GLCCI1: variants seen among roughly 807,000 people sequenced by gnomAD.
The protein encoded by GLCCI1 is glucocorticoid-induced transcript 1 protein.
In GLCCI1, 24 loss-of-function variants were observed where a neutral mutation model predicts 52.2. That is an observed-to-expected ratio of 0.46 (90% CI 0.33 to 0.65). GLCCI1 has a LOEUF of 0.65. GLCCI1 is among the 30% of genes least tolerant of loss of function. The pLI is 0.02. For synonymous variants in GLCCI1, 310 were observed against 276.5 expected (o/e 1.12, Z -1.20); for missense variants, 704 against 701.5 (o/e 1.00, Z -0.04).
chr7:8,035,809 T>G (rs1166907312), intron 3 of GLCCI1, among the ~76,000 whole-genome samples: 1 of 152,172 alleles, frequency 6.6e-6, no homozygotes, highest in African/African-American at 2.4e-5. Flanking sequence ...TGCCTAGGTA[T>G]GGAGCTGAGG....
chr7:8,049,405 T>C (rs953405438), intron 3 of GLCCI1, among the ~76,000 whole-genome samples: 1 of 152,212 alleles, frequency 6.6e-6, no homozygotes, highest in Non-Finnish European at 1.5e-5. Context: ...TATTTTATAT[T>C]ATCTCTTTGA....
chr7:8,070,822 G>A, intron 5 of GLCCI1, 99 bp from the exon 6 acceptor site: 1 of 1,032,702 alleles, frequency 9.7e-7, no homozygotes, highest in Non-Finnish European at 1.5e-6. Context: ...AACTGGGTCA[G>A]TAGTGGTGGA....
chr7:7,994,921 G>T (rs1192064482), intron 1 of GLCCI1, among the ~76,000 whole-genome samples: 3 of 152,092 alleles, frequency 2.0e-5, no homozygotes, highest in African/African-American at 7.2e-5. Flanking sequence ...CCAGGTAATG[G>T]TTTCACTTAA....
intron 3 of GLCCI1, among the ~76,000 whole-genome samples, chr7:8,034,189 T>C (rs1018722921): frequency 6.6e-6 from 1 of 152,160 alleles, no homozygotes; most frequent in Non-Finnish European, 1.5e-5. Flanking sequence ...GCTATAATAA[T>C]TGAATATTTG....
At chr7:7,998,720 C>T (rs2115422674) in intron 1 of GLCCI1, among the ~76,000 whole-genome samples, 1 of 152,184 alleles carries the variant, frequency 6.6e-6, no homozygotes, top group African/African-American at 2.4e-5. Flanking sequence ...TTATTAATAG[C>T]TACTGACCTT....
chr7:8,006,904 A>G (rs767465911), intron 2 of GLCCI1, among the ~76,000 whole-genome samples: 1 of 152,162 alleles, frequency 6.6e-6, no homozygotes, highest in Non-Finnish European at 1.5e-5. Flanking sequence ...TCTCACATTC[A>G]AGTGCCATCC....
At chr7:8,052,436 A>T (rs950480889) in intron 3 of GLCCI1, among the ~76,000 whole-genome samples, 2 of 152,168 alleles carry the variant, frequency 1.3e-5, no homozygotes, top group Admixed American at 6.5e-5. Context: ...TGAGTTGGTT[A>T]TGGCTTAAAA....
chr7:8,014,491 G>A (rs1054035696), intron 2 of GLCCI1, among the ~76,000 whole-genome samples: 1 of 152,124 alleles, frequency 6.6e-6, no homozygotes, highest in African/African-American at 2.4e-5. Flanking sequence ...GAATATGTTT[G>A]TTAATTCTAT....
chr7:8,016,667 T>C (rs1426386794), intron 2 of GLCCI1, among the ~76,000 whole-genome samples: 1 of 152,200 alleles, frequency 6.6e-6, no homozygotes, highest in Non-Finnish European at 1.5e-5. Flanking sequence ...TTTTCCATGC[T>C]ATTGGAATTC....
chr7:8,014,522 T>C (rs529458440), intron 2 of GLCCI1, among the ~76,000 whole-genome samples: 1 of 152,236 alleles, frequency 6.6e-6, no homozygotes, highest in African/African-American at 2.4e-5. Context: ...TATTCAGCAA[T>C]GAGTTCTTAA....
chr7:8,082,669 A>C (rs1783019650), intron 6 of GLCCI1, among the ~76,000 whole-genome samples: 2 of 152,200 alleles, frequency 1.3e-5, no homozygotes, highest in Non-Finnish European at 2.9e-5. Flanking sequence ...TGTTTACTTA[A>C]CATTAATACC....
chr7:8,083,238 C>A (rs896658303), intron 6 of GLCCI1, among the ~76,000 whole-genome samples: 1 of 152,064 alleles, frequency 6.6e-6, no homozygotes, highest in Non-Finnish European at 1.5e-5. Flanking sequence ...GGATGTCCAT[C>A]CTCCCTACTT....
At chr7:7,985,509 A>G (rs1780704334) in intron 1 of GLCCI1, among the ~76,000 whole-genome samples, 1 of 149,990 alleles carries the variant, frequency 6.7e-6, no homozygotes, top group Non-Finnish European at 1.5e-5. Flanking sequence ...ACAAACCTGC[A>G]CGTCCTGCAC....
chr7:8,073,502 C>T (rs1051969959), intron 6 of GLCCI1, among the ~76,000 whole-genome samples: 2 of 151,922 alleles, frequency 1.3e-5, no homozygotes, highest in African/African-American at 2.4e-5. Context: ...TATATTCATC[C>T]TCTTGTTTTT....
intron 3 of GLCCI1, among the ~76,000 whole-genome samples, chr7:8,054,072 C>T (rs1782329525): frequency 6.6e-6 from 1 of 152,040 alleles, no homozygotes; most frequent in African/African-American, 2.4e-5. Flanking sequence ...TGAGTAAGTA[C>T]AGATTATATT....
At chr7:7,986,700 A>G (rs1780740713) in intron 1 of GLCCI1, among the ~76,000 whole-genome samples, 2 of 152,214 alleles carry the variant, frequency 1.3e-5, no homozygotes, top group African/African-American at 4.8e-5. Flanking sequence ...GTATTGAATG[A>G]TTTAAATTTA....
chr7:8,069,081 G>C (rs1024346126), intron 5 of GLCCI1, among the ~76,000 whole-genome samples: 2 of 152,142 alleles, frequency 1.3e-5, no homozygotes, highest in Non-Finnish European at 2.9e-5. Flanking sequence ...GCTGGCTGCA[G>C]ATCTTGGCTT....
chr7:8,037,084 C>G (rs76391117), intron 3 of GLCCI1, among the ~76,000 whole-genome samples: 1 of 128,124 alleles, frequency 7.8e-6, no homozygotes, highest in Non-Finnish European at 1.6e-5. Context: ...ATGACTCGAC[C>G]AAAATAGTCT....
chr7:8,010,015 C>A (rs1781233063), intron 2 of GLCCI1, among the ~76,000 whole-genome samples: 1 of 150,020 alleles, frequency 6.7e-6, no homozygotes, highest in South Asian at 2.1e-4. Flanking sequence ...AAAATTGTAT[C>A]TTTAATGGTT....
Sources: allele counts gnomAD v4.1 joint callset (sites outside exome capture counted in the v4.1 genomes callset), GRCh38; gene constraint gnomAD v4.1.1; transcripts MANE v1.5; gene names NCBI Gene and HGNC (gene_info 2026-07-23, HGNC 2026-07-21).